The following SPOCK3 variants were observed in gnomAD, a reference collection of about 807,000 sequenced individuals.
SPOCK3 encodes testican-3.
SPOCK3 carries 30 observed loss-of-function variants against 56.6 expected under a neutral mutation model. That is an observed-to-expected ratio of 0.53 (90% CI 0.40 to 0.72). SPOCK3 has a LOEUF of 0.72. Ranked by LOEUF, SPOCK3 falls within the 30% of genes least tolerant of loss-of-function variation. SPOCK3 has a pLI of 0.00. For synonymous variants in SPOCK3, 196 were observed against 183.3 expected, an observed-to-expected ratio of 1.07 and a Z score of -0.56; for missense variants, 527 against 530.0, an observed-to-expected ratio of 0.99 and a Z score of 0.06.
chr4:167,053,441 C>T (rs562901746), intron 3 of SPOCK3, among the ~76,000 whole-genome samples: 1 of 152,098 alleles, frequency 6.6e-6, no homozygotes, highest in Non-Finnish European at 1.5e-5. Context: ...AATCCCAGCA[C>T]TTTGGGAGGC....
intron 2 of SPOCK3, among the ~76,000 whole-genome samples, chr4:167,224,726 C>T (rs1736417218): frequency 6.6e-6 from 1 of 152,122 alleles, no homozygotes. Flanking sequence ...GGCACATGAT[C>T]TCAGCTCACT....
chr4:167,073,945 A>G (rs1359465226), intron 2 of SPOCK3, among the ~76,000 whole-genome samples: 1 of 151,908 alleles, frequency 6.6e-6, no homozygotes, highest in Non-Finnish European at 1.5e-5. Context: ...TGCACTACTC[A>G]AAAATTTAGT....
intron 3 of SPOCK3, among the ~76,000 whole-genome samples, chr4:167,022,096 C>T (rs141147494): frequency 2.1e-3 from 314 of 151,996 alleles, no homozygotes; most frequent in African/African-American, 7.0e-3. Flanking sequence ...ACCCGAACGT[C>T]ATTTGGATGT....
Position 167,234,478 on chromosome 4 carries a change from G to A in SPOCK3, c.-29C>T. On this transcript the variant is annotated 5_prime_UTR_variant, in exon 1 of 11. Coordinates refer to ENST00000357545, the MANE Select transcript of SPOCK3 (RefSeq NM_001040159.2). Reference sequence around the variant, plus strand: ...GTTGTGAGCCAGCACTGTGCTCGCAGCTCCTGCTGGAAATGCAGCCCTGCT... The same window carrying A: ...GTTGTGAGCCAGCACTGTGCTCGCAACTCCTGCTGGAAATGCAGCCCTGCT... 1 of 397,500 alleles carries A rather than the reference G, an allele frequency of 2.5e-6. No homozygotes were observed. The highest frequency in any genetic ancestry group is 4.6e-6 in the Non-Finnish European group (1 of 217,316). The allele number at this position is 397,500 out of a possible 1,614,324, so 24.6% of individuals were successfully genotyped here.
intron 4 of SPOCK3, among the ~76,000 whole-genome samples, chr4:166,986,328 C>G (rs936122388): frequency 1.3e-5 from 2 of 152,124 alleles, no homozygotes; most frequent in Non-Finnish European, 2.9e-5. Context: ...CACACAGATA[C>G]TTTATAAAAA....
At chr4:167,126,784 T>C (rs1396963439) in intron 2 of SPOCK3, among the ~76,000 whole-genome samples, 1 of 152,060 alleles carries the variant, frequency 6.6e-6, no homozygotes, top group Non-Finnish European at 1.5e-5. Context: ...ACCAGCAAAA[T>C]CTGTTTAATT....
intron 4 of SPOCK3, among the ~76,000 whole-genome samples, chr4:166,939,512 C>T (rs540015997): frequency 6.6e-6 from 1 of 151,960 alleles, no homozygotes; most frequent in Non-Finnish European, 1.5e-5. Flanking sequence ...AAAATTGTGA[C>T]TACCAAAGTA....
In SPOCK3 at chr4:166,754,604, C is replaced by A; in HGVS notation, c.835G>T (p.Glu279Ter). 1 of 1,613,646 alleles carries A rather than the reference C, an allele frequency of 6.2e-7. No homozygotes were observed. Among genetic ancestry groups the A allele is most frequent in the Non-Finnish European group, 8.5e-7 (1 of 1,179,770 alleles). The change falls in exon 8 of 11, where the codon GAA (glutamate) becomes TAA (stop). Residue 279 changes from glutamate to a stop codon, truncating the protein, a stop_gained. Coordinates refer to ENST00000357545, the MANE Select transcript of SPOCK3 (RefSeq NM_001040159.2). LOFTEE classifies it high-confidence loss of function. Reference protein sequence around the residue: ...ELRSIYLDKNEQCTKAFFNSC... With the variant: ...ELRSIYLDKN ...TTGAAGAATGCCTTGGTACACTGTT[C>A]ATTCTTATCAAGGTAAATGCTTCTG...
chr4:167,217,591 C>G (rs1735495280), intron 2 of SPOCK3, among the ~76,000 whole-genome samples: 1 of 151,824 alleles, frequency 6.6e-6, no homozygotes, highest in Non-Finnish European at 1.5e-5. Context: ...CCCATGGATA[C>G]TGAGAGAAGA....
chr4:167,011,362 C>G, intron 3 of SPOCK3: 1 of 453,160 alleles, frequency 2.2e-6, no homozygotes, highest in South Asian at 1.6e-5. Flanking sequence ...TTCAAACAAC[C>G]TCTCTAAAAT....
chr4:166,889,227 C>G lies in SPOCK3; in HGVS notation c.492G>C (p.Gln164His). 1.2e-6 allele frequency: 2 copies of G among 1,608,142 alleles called. No individual in the cohort carries two copies. Among genetic ancestry groups the G allele is most frequent in the East Asian group, 4.5e-5 (2 of 44,680 alleles). ...TYSFQCKLEYQACVLGKQISV... is the reference protein window; with the variant it reads ...TYSFQCKLEYHACVLGKQISV... ...AGATCTGTTTTCCTAAGACACATGCCTGATATTCTAGTTTGCACTGTATAA... is the reference window on the plus strand; with the variant it reads ...AGATCTGTTTTCCTAAGACACATGCGTGATATTCTAGTTTGCACTGTATAA... Residue 164 changes from glutamine to histidine, a missense_variant, in exon 6 of 11, where the codon CAG (glutamine) becomes CAC (histidine). By Grantham distance (24) the Gln-to-His change is conservative. Transcript: ENST00000357545.
intron 2 of SPOCK3, among the ~76,000 whole-genome samples, chr4:167,071,840 C>T (rs1487370392): frequency 6.6e-6 from 1 of 152,052 alleles, no homozygotes; most frequent in African/African-American, 2.4e-5. Context: ...CTCCCACCAA[C>T]AGTGTAAAGG....
intron 4 of SPOCK3, among the ~76,000 whole-genome samples, chr4:166,950,491 C>T (rs1328684143): frequency 1.3e-5 from 2 of 151,694 alleles, no homozygotes; most frequent in Non-Finnish European, 2.9e-5. Context: ...TAATGGGAGA[C>T]TTTAACACCC....
At chr4:166,824,544 C>T (rs1046168076) in intron 6 of SPOCK3, among the ~76,000 whole-genome samples, 4 of 152,014 alleles carry the variant, frequency 2.6e-5, no homozygotes, top group South Asian at 2.1e-4. Context: ...CTGCTGGGAG[C>T]GTCTGTGAAA....
At chr4:166,806,989 C>T (rs1327356663) in intron 6 of SPOCK3, among the ~76,000 whole-genome samples, 3 of 151,666 alleles carry the variant, frequency 2.0e-5, no homozygotes, top group Non-Finnish European at 4.4e-5. Flanking sequence ...TTATAATATA[C>T]TCTAATAAAA....
chr4:166,786,724 A>G (rs1038954022), intron 7 of SPOCK3, among the ~76,000 whole-genome samples: 19 of 152,352 alleles, frequency 1.2e-4, no homozygotes, highest in African/African-American at 4.6e-4. Context: ...TGGTAATTTC[A>G]TAAGGTTCAA....
intron 6 of SPOCK3, among the ~76,000 whole-genome samples, chr4:166,826,499 G>A (rs565017722): frequency 6.6e-6 from 1 of 152,030 alleles, no homozygotes; most frequent in South Asian, 2.1e-4. Flanking sequence ...ATTTCAAAAA[G>A]AGAATGGCCA....
chr4:167,151,372 A>C lies in SPOCK3; in HGVS notation c.189+82613T>G, dbSNP rs992518201. ...TTGGTGCAAGCCTGCCAACAACCCCAAAGGCTGCTCAGGCTAACTTTTTGT... is the reference window on the plus strand; with the variant it reads ...TTGGTGCAAGCCTGCCAACAACCCCCAAGGCTGCTCAGGCTAACTTTTTGT... On this transcript the variant is annotated intron_variant, in intron 2 of 10. Transcript: ENST00000357545. Among the ~76,000 whole-genome samples the C allele has an allele frequency of 2.0e-5, 3 of 150,716 alleles. No homozygotes were observed. In the East Asian group the frequency reaches 5.8e-4, roughly 29 times the overall value.
chr4:167,070,821 A>G (rs1756602415), intron 2 of SPOCK3, among the ~76,000 whole-genome samples: 1 of 151,998 alleles, frequency 6.6e-6, no homozygotes, highest in African/African-American at 2.4e-5. Context: ...AAAATAGATT[A>G]GGTAAAGCTT....
Sources: gnomAD v4.1 joint callset for allele counts (sites outside exome capture counted in the v4.1 genomes callset) on GRCh38, gnomAD v4.1.1 for gene constraint, MANE v1.5 for transcripts, NCBI Gene and HGNC (gene_info 2026-07-23, HGNC 2026-07-21) for gene names.